SHANK2: variants seen among roughly 807,000 people sequenced by gnomAD.
SHANK2 encodes the protein SH3 and multiple ankyrin repeat domains 2.
A neutral mutation model predicts 133.7 loss-of-function variants in SHANK2; 43 were observed. That is an observed-to-expected ratio of 0.32 (90% confidence interval 0.25 to 0.41). The LOEUF is 0.41. Ranked by LOEUF, SHANK2 falls within the 10% of genes least tolerant of loss-of-function variation. The pLI, the probability that SHANK2 is intolerant of heterozygous loss-of-function variation, is 1.00. For missense variants in SHANK2, 1,994 were observed against 2,235.8 expected (o/e 0.89, Z 2.18); for synonymous variants, 1,017 against 952.8 (o/e 1.07, Z -1.24).
rs113156725 is a variant in SHANK2, at chr11:70,827,690, AACACACACACACACACAC to A, written c.1175-7026_1175-7009del. ...TAAGAGAACTGCTTCAGAAATTTAA[AACACACACACACACACAC>A]ACACACACACACACACACACAACCA... On this transcript the variant is annotated intron_variant, in intron 11 of 25. Transcript: ENST00000601538. Among the ~76,000 whole-genome samples the A allele has an allele frequency of 4.6e-5, 6 of 130,496 alleles. No homozygotes were observed. In the East Asian group the frequency reaches 6.9e-4, roughly 15 times the overall value. The allele number at this position is 130,496 out of a possible 152,430, so 85.6% of individuals were successfully genotyped here.
intron 13 of SHANK2, among the ~76,000 whole-genome samples, chr11:70,798,778 G>T (rs1947977085): frequency 6.6e-6 from 1 of 152,204 alleles, no homozygotes; most frequent in African/African-American, 2.4e-5. Context: ...GTGCCCCTTA[G>T]GTGATGAGAC....
At chr11:71,127,233 G>A (rs555508740) in intron 3 of SHANK2, among the ~76,000 whole-genome samples, 1 of 152,182 alleles carries the variant, frequency 6.6e-6, no homozygotes, top group Non-Finnish European at 1.5e-5. Context: ...GCCTCTTTGG[G>A]ATGAGCAGAG....
intron 3 of SHANK2, among the ~76,000 whole-genome samples, chr11:71,126,722 C>G (rs150896665): frequency 7.0e-6 from 1 of 143,058 alleles, no homozygotes; most frequent in South Asian, 2.2e-4. Context: ...CCCTCATAAA[C>G]GACTTTTTTT....
chr11:71,147,429 C>T (rs1184673766), intron 2 of SHANK2, 91 bp from the exon 3 acceptor site: 11 of 1,037,748 alleles, frequency 1.1e-5, no homozygotes, highest in South Asian at 4.3e-5. Flanking sequence ...CTGGAACACA[C>T]GTGGGCTCGG....
At chr11:70,859,166 A>G (rs538952087) in intron 11 of SHANK2, among the ~76,000 whole-genome samples, 1 of 152,300 alleles carries the variant, frequency 6.6e-6, no homozygotes, top group Admixed American at 6.5e-5. Flanking sequence ...GAATGTATAG[A>G]TAATAGAGAG....
At chr11:70,618,184 C>T (rs1436761628) in intron 17 of SHANK2, among the ~76,000 whole-genome samples, 2 of 151,246 alleles carry the variant, frequency 1.3e-5, no homozygotes, top group African/African-American at 4.9e-5. Flanking sequence ...ATCCCAGCTA[C>T]TCAGGAGGCT....
intron 17 of SHANK2, among the ~76,000 whole-genome samples, chr11:70,525,105 A>G (rs898059057): frequency 6.6e-6 from 1 of 152,232 alleles, no homozygotes; most frequent in Non-Finnish European, 1.5e-5. Context: ...CTGCAGCGAC[A>G]CTTACAGTAC....
chr11:70,941,469 G>T (rs1383278665), intron 10 of SHANK2, among the ~76,000 whole-genome samples: 1 of 152,216 alleles, frequency 6.6e-6, no homozygotes, highest in East Asian at 1.9e-4. Context: ...TGCTGTTGGG[G>T]TCGCTATGGA....
intron 11 of SHANK2, chr11:70,863,316 C>T (rs371664499): frequency 8.3e-5 from 38 of 458,206 alleles, no homozygotes; most frequent in African/African-American, 7.0e-4. Flanking sequence ...GAGCTGATGG[C>T]ACAACTGCCC....
intron 14 of SHANK2, among the ~76,000 whole-genome samples, chr11:70,719,738 A>C (rs1168906623): frequency 2.0e-5 from 3 of 151,474 alleles, no homozygotes; most frequent in Non-Finnish European, 4.4e-5. Flanking sequence ...GGGTTTCCAC[A>C]ACAGCCCCGC....
rs191859095 is a variant in SHANK2, at chr11:70,695,676, C to T, written c.1853+3012G>A. On this transcript the variant is annotated intron_variant, in intron 15 of 25. Coordinates refer to ENST00000601538, the MANE Select transcript of SHANK2 (RefSeq NM_012309.5). ...TCAGATGCTCATTAACTTGGCCTTC[C>T]TTTCCCTCCATCAGTGTCCCTCTAG... Among the ~76,000 whole-genome samples, 27 of 152,326 alleles carry T rather than the reference C, an allele frequency of 1.8e-4. No homozygotes were observed. The East Asian group carries it at 5.0e-3, about 28-fold the overall frequency.
Position 70,529,541 on chromosome 11 carries a change from C to CTA in SHANK2, c.2062-26612_2062-26611dup, listed in dbSNP as rs1409961599. Among the ~76,000 whole-genome samples the CTA allele has an allele frequency of 5.9e-5, 9 of 152,388 alleles. No homozygotes were observed. The East Asian group carries it at 1.7e-3, about 29-fold the overall frequency. On this transcript the variant is annotated intron_variant, in intron 17 of 25. Coordinates refer to ENST00000601538, the MANE Select transcript of SHANK2 (RefSeq NM_012309.5). ...CCTCTCCTGACAGGGATTCCAAGAT[C>CTA]TATACACCTTCGCATTGTGGTAAAA...
At chr11:70,751,368 T>C (rs1353108715) in intron 14 of SHANK2, among the ~76,000 whole-genome samples, 1 of 152,226 alleles carries the variant, frequency 6.6e-6, no homozygotes, top group Admixed American at 6.5e-5. Context: ...CAGAAGGAAG[T>C]GGAACAGTAT....
intron 17 of SHANK2, among the ~76,000 whole-genome samples, chr11:70,658,308 G>GAC (rs2061438231): frequency 3.0e-5 from 3 of 98,666 alleles, no homozygotes; most frequent in African/African-American, 8.6e-5. Context: ...CACACACACA[G>GAC]ACACACACAC....
intron 8 of SHANK2, among the ~76,000 whole-genome samples, chr11:71,084,626 C>A (rs1951352904): frequency 6.6e-6 from 1 of 152,200 alleles, no homozygotes; most frequent in African/African-American, 2.4e-5. Context: ...GTGCTTCTCC[C>A]GAGAGGGCAG....
At chr11:70,947,132 AACAC>A (rs144004521) in intron 10 of SHANK2, among the ~76,000 whole-genome samples, 22,575 of 125,734 alleles carry the variant, frequency 0.18, 1,943 homozygotes, top group South Asian at 0.24. Flanking sequence ...GCACCTCTCC[AACAC>A]ACACACACAC....
At chr11:70,948,567 G>A (rs1234320137) in intron 10 of SHANK2, among the ~76,000 whole-genome samples, 1 of 152,184 alleles carries the variant, frequency 6.6e-6, no homozygotes, top group Non-Finnish European at 1.5e-5. Flanking sequence ...AGACTCAGAG[G>A]AACTTTTAAA....
chr11:70,578,786 C>T (rs1345882111), intron 17 of SHANK2, among the ~76,000 whole-genome samples: 2 of 152,184 alleles, frequency 1.3e-5, no homozygotes, highest in African/African-American at 2.4e-5. Flanking sequence ...TGGTTTTCTT[C>T]TCAAAGGGGG....
intron 17 of SHANK2, among the ~76,000 whole-genome samples, chr11:70,650,038 A>G (rs1282372123): frequency 3.9e-5 from 6 of 152,234 alleles, no homozygotes; most frequent in African/African-American, 1.4e-4. Context: ...ATAGTAAGTC[A>G]GTCACCTAAC....
Sources: allele counts gnomAD v4.1 joint callset (sites outside exome capture counted in the v4.1 genomes callset), GRCh38; gene constraint gnomAD v4.1.1; transcripts MANE v1.5; gene names NCBI Gene and HGNC (gene_info 2026-07-23, HGNC 2026-07-21).